Variants in METAP1D observed in about 807,000 individuals in gnomAD.
METAP1D encodes methionyl aminopeptidase type 1D, mitochondrial, also known as methionine aminopeptidase 1D, mitochondrial.
METAP1D carries 31 observed loss-of-function variants against 40.5 expected under a neutral mutation model. The observed-to-expected ratio is 0.77, with a 90% confidence interval of 0.58 to 1.03. The LOEUF (loss-of-function observed/expected upper bound fraction) is 1.03. Among genes scored for constraint, METAP1D ranks in the 50% least tolerant of loss-of-function variants. The probability of loss-of-function intolerance (pLI) is 0.00; values close to 1 mark genes in which losing one functional copy is unlikely to be tolerated. For synonymous variants in METAP1D, 151 were observed against 146.4 expected, an observed-to-expected ratio of 1.03 and a Z score of -0.22; for missense variants, 411 against 420.7, an observed-to-expected ratio of 0.98 and a Z score of 0.20.
At chr2:172,036,061 T>TA (rs1429478469) in intron 1 of METAP1D, among the ~76,000 whole-genome samples, 1 of 152,110 alleles carries the variant, frequency 6.6e-6, no homozygotes, top group Non-Finnish European at 1.5e-5. Flanking sequence ...TTCATGCCTG[T>TA]AATGCCAGCA....
intron 1 of METAP1D, among the ~76,000 whole-genome samples, chr2:172,038,396 G>C (rs1689442597): frequency 6.6e-6 from 1 of 151,558 alleles, no homozygotes; most frequent in Non-Finnish European, 1.5e-5. Flanking sequence ...CCATAGCTTA[G>C]ATCATTGACT....
intron 1 of METAP1D, among the ~76,000 whole-genome samples, chr2:172,027,565 C>T (rs535698282): frequency 1.3e-5 from 2 of 152,270 alleles, no homozygotes; most frequent in South Asian, 2.1e-4. Flanking sequence ...CAGAATGTAT[C>T]CCTGTTGTTA....
intron 3 of METAP1D, 133 bp from the exon 4 acceptor site, chr2:172,065,471 A>G: frequency 1.1e-6 from 1 of 891,720 alleles, no homozygotes. Flanking sequence ...TAATTAATTC[A>G]AATGTTGTAC....
chr2:172,018,219 C>T (rs1156574203), intron 1 of METAP1D, among the ~76,000 whole-genome samples: 2 of 151,080 alleles, frequency 1.3e-5, no homozygotes, highest in Non-Finnish European at 2.9e-5. Flanking sequence ...GGCCAAGATG[C>T]AACAAAATTC....
At chr2:172,002,263 C>T (rs906368241) in intron 1 of METAP1D, among the ~76,000 whole-genome samples, 10 of 151,136 alleles carry the variant, frequency 6.6e-5, no homozygotes, top group Non-Finnish European at 1.0e-4. Context: ...TATATATATA[C>T]ACCTATGCAT....
intron 2 of METAP1D, among the ~76,000 whole-genome samples, chr2:172,062,403 C>T (rs1690160709): frequency 6.6e-6 from 1 of 152,236 alleles, no homozygotes; most frequent in Non-Finnish European, 1.5e-5. Context: ...GATGTATCCC[C>T]TGGCCTGGCC....
intron 1 of METAP1D, among the ~76,000 whole-genome samples, chr2:172,022,870 C>T (rs764871731): frequency 2.0e-5 from 3 of 151,932 alleles, no homozygotes; most frequent in Non-Finnish European, 4.4e-5. Context: ...ATAGGTTTGT[C>T]TTGACAAAAA....
intron 6 of METAP1D, among the ~76,000 whole-genome samples, chr2:172,075,278 T>C (rs1394228618): frequency 2.0e-5 from 3 of 152,188 alleles, no homozygotes. Flanking sequence ...GATTTTTAGT[T>C]AGAGAAAATC....
chr2:172,040,905 C>G (rs1689505593), intron 1 of METAP1D, among the ~76,000 whole-genome samples: 1 of 151,780 alleles, frequency 6.6e-6, no homozygotes, highest in Non-Finnish European at 1.5e-5. Context: ...CACCACCACG[C>G]CCGGCTAACT....
At chr2:172,016,327 ATAT>A (rs1688863583) in intron 1 of METAP1D, among the ~76,000 whole-genome samples, 3 of 101,838 alleles carry the variant, frequency 2.9e-5, no homozygotes, top group African/African-American at 9.5e-5. Flanking sequence ...ATATATATAT[ATAT>A]AAATAGTCCA....
chr2:172,076,185 C>CAA (rs762562116), intron 6 of METAP1D, among the ~76,000 whole-genome samples: 3 of 136,188 alleles, frequency 2.2e-5, no homozygotes, highest in Admixed American at 1.4e-4. Flanking sequence ...CCTCTAAAAA[C>CAA]AAAAAAAAAA....
At chr2:172,001,968 T>C (rs1336330327) in intron 1 of METAP1D, among the ~76,000 whole-genome samples, 2 of 149,730 alleles carry the variant, frequency 1.3e-5, no homozygotes, top group Non-Finnish European at 3.0e-5. Flanking sequence ...TGGTGGCACA[T>C]GCTGGTAATC....
intron 1 of METAP1D, among the ~76,000 whole-genome samples, chr2:172,049,046 G>A (rs113015829): frequency 2.0e-5 from 3 of 152,232 alleles, no homozygotes; most frequent in African/African-American, 4.8e-5. Context: ...GTGCAGCAGC[G>A]CAATCTTGGC....
chr2:172,066,087 AAATT>A, intron 4 of METAP1D, among the ~76,000 whole-genome samples, 173 bp from the exon 5 acceptor site: 1 of 152,220 alleles, frequency 6.6e-6, no homozygotes, highest in East Asian at 1.9e-4. Context: ...TTAAGGTAAT[AAATT>A]AAGTGCATCT....
chr2:172,069,906 T>C (rs1304975838), intron 5 of METAP1D, among the ~76,000 whole-genome samples: 2 of 152,156 alleles, frequency 1.3e-5, no homozygotes, highest in African/African-American at 4.8e-5. Flanking sequence ...AAATGCAGAG[T>C]AGTATACAGA....
chr2:172,078,613 C>T (rs1281876003), intron 7 of METAP1D, among the ~76,000 whole-genome samples: 1 of 152,160 alleles, frequency 6.6e-6, no homozygotes, highest in Admixed American at 6.5e-5. Context: ...CTCTTTCGGA[C>T]CCATGCCCTC....
rs1481007010 is a variant in METAP1D, at chr2:172,045,815, G to GTATATATATATA, written c.41-15682_41-15681insATATATATATAT. Among the ~76,000 whole-genome samples the GTATATATATATA allele has an allele frequency of 2.5e-4, 6 of 24,274 alleles. 1 individual carries two copies. The highest frequency in any genetic ancestry group is 3.2e-4 in the Non-Finnish European group (4 of 12,672). 15.9% of individuals were successfully genotyped at this position (24,274 alleles called of 152,430 possible). ...TGTATATATGTGTGTGTGTGTGTGTGTGTGTATATATATATATATATATAT... is the reference window on the plus strand; with the variant it reads ...TGTATATATGTGTGTGTGTGTGTGTGTATATATATATATGTGTATATATATATATATATATAT... On this transcript the variant is annotated intron_variant, in intron 1 of 9. Transcript: ENST00000315796.
chr2:172,043,012 T>TGTACACATATATGTGTATATGTGTAC lies in METAP1D; in HGVS notation c.41-18484_41-18483insACACATATATGTGTATATGTGTACGT, dbSNP rs1689645732. Among the ~76,000 whole-genome samples the TGTACACATATATGTGTATATGTGTAC allele has an allele frequency of 1.1e-4, 10 of 89,686 alleles. 2 individuals are homozygous for TGTACACATATATGTGTATATGTGTAC. Among genetic ancestry groups the TGTACACATATATGTGTATATGTGTAC allele is most frequent in the South Asian group, 7.7e-4 (2 of 2,604 alleles). The allele number at this position is 89,686 out of a possible 152,430, so 58.8% of individuals were successfully genotyped here. A position where few individuals can be genotyped will look rare whatever the true frequency, so the allele number is the denominator to read the frequency against. On this transcript the variant is annotated intron_variant, in intron 1 of 9. Transcript: ENST00000315796. ...GTGCGTGTGTACACATATATGTGTA[T>TGTACACATATATGTGTATATGTGTAC]GTGTACACATATATGTGTATATGTG...
intron 1 of METAP1D, among the ~76,000 whole-genome samples, chr2:172,060,807 A>T (rs573131057): frequency 6.6e-6 from 1 of 152,310 alleles, no homozygotes; most frequent in Non-Finnish European, 1.5e-5. Context: ...GTACATCTTC[A>T]TTCATCCATC....
Sources: allele counts gnomAD v4.1 joint callset (sites outside exome capture counted in the v4.1 genomes callset), GRCh38; gene constraint gnomAD v4.1.1; transcripts MANE v1.5; gene names NCBI Gene and HGNC (gene_info 2026-07-23, HGNC 2026-07-21).